S100A11: variants seen among roughly 807,000 people sequenced by gnomAD.
S100A11 encodes S100 calcium binding protein A11.
S100A11 carries 5 observed loss-of-function variants against 7.4 expected under a neutral mutation model. The ratio of observed to expected loss-of-function variants is 0.68; its 90% CI spans 0.35 to 1.42. The LOEUF is 1.42. Among genes scored for constraint, S100A11 ranks in the 40% most tolerant of loss-of-function variants. The pLI is 0.04. For missense variants in S100A11, 96 were observed against 125.0 expected, an observed-to-expected ratio of 0.77 and a Z score of 1.11; for synonymous variants, 47 against 46.6, an observed-to-expected ratio of 1.01 and a Z score of -0.04.
intron 1 of S100A11, among the ~76,000 whole-genome samples, chr1:152,035,964 C>A (rs1656822936): frequency 6.6e-6 from 1 of 152,240 alleles, no homozygotes; most frequent in African/African-American, 2.4e-5. Context: ...AGGACTGCAA[C>A]CCCAGACAGT....
chr1:152,033,915 C>T lies in S100A11; in HGVS notation c.4-115G>A. Reference sequence around the variant, plus strand: ...AAAGCAGTTTCCTAAAAGACTGAGTCATTTTTTCAAGGGGCTGAGGGGTTC... The same window carrying T: ...AAAGCAGTTTCCTAAAAGACTGAGTTATTTTTTCAAGGGGCTGAGGGGTTC... On this transcript the variant is annotated intron_variant, in intron 1 of 2. Transcript: ENST00000271638. This position sits in a 1 kb window ranked among gnomAD's most constrained non-coding sequence, Gnocchi z 4.0. 2 of 931,278 alleles carry T rather than the reference C, an allele frequency of 2.1e-6. No individual in the cohort carries two copies. Among genetic ancestry groups the T allele is most frequent in the Non-Finnish European group, 3.3e-6 (2 of 598,256 alleles). The allele number at this position is 931,278 out of a possible 1,614,324, so 57.7% of individuals were successfully genotyped here.
rs1459947550 is a variant in S100A11, at chr1:152,036,902, G to A, written c.3+11C>T. 6.2e-7 allele frequency: 1 copy of A among 1,610,172 alleles called. No homozygotes were observed. Among genetic ancestry groups the A allele is most frequent in the East Asian group, 2.2e-5 (1 of 44,834 alleles). ...TCATGTAAGAAGAAGAAGAAGAAAA[G>A]TGAGGCTTACCATGTTGGAGCTGAG... On this transcript the variant is annotated intron_variant, in intron 1 of 2. Coordinates refer to ENST00000271638, the MANE Select transcript of S100A11 (RefSeq NM_005620.2).
At chr1:152,036,435 G>A (rs536943483) in intron 1 of S100A11, among the ~76,000 whole-genome samples, 14 of 152,328 alleles carry the variant, frequency 9.2e-5, no homozygotes, top group African/African-American at 3.4e-4. Flanking sequence ...GGTGCTTACT[G>A]AAACTTTGAT....
chr1:152,034,791 CT>C (rs1208256655), intron 1 of S100A11, among the ~76,000 whole-genome samples: 1 of 152,250 alleles, frequency 6.6e-6, no homozygotes, highest in Non-Finnish European at 1.5e-5. Flanking sequence ...TCCTCTGAGA[CT>C]TTACCTACTA....
intron 1 of S100A11, among the ~76,000 whole-genome samples, chr1:152,035,571 A>C (rs1309341587): frequency 6.6e-6 from 1 of 152,206 alleles, no homozygotes; most frequent in Non-Finnish European, 1.5e-5. Context: ...CCAAAGTGAA[A>C]GAAAGAGACA....
chr1:152,034,601 T>C (rs1656798544), intron 1 of S100A11, among the ~76,000 whole-genome samples: 1 of 152,212 alleles, frequency 6.6e-6, no homozygotes, highest in Non-Finnish European at 1.5e-5. Context: ...ATGTAAGAGA[T>C]TTAAATCCTG....
At position 152,033,478 on chromosome 1, in the gene S100A11, C is replaced by A. The variant is rs1386983408; in HGVS notation, c.156+170G>T. ...AAAATAATTCCATTACGTCATATAC[C>A]ATTTCATATATCTCTCTTCCTAAAT... On this transcript the variant is annotated intron_variant, in intron 2 of 2. Transcript: ENST00000271638. The surrounding 1 kb of genome is among the most constrained non-coding windows in gnomAD (Gnocchi z 4.0). Among the ~76,000 whole-genome samples the A allele has an allele frequency of 6.6e-6, 1 of 152,096 alleles. No individual in the cohort carries two copies. The highest frequency in any genetic ancestry group is 1.5e-5 in the Non-Finnish European group (1 of 68,024).
rs762032768 is a variant in S100A11, at chr1:152,033,815, A to G, written c.4-15T>C. 1.2e-6 allele frequency: 2 copies of G among 1,613,220 alleles called. No homozygotes were observed. The highest frequency in any genetic ancestry group is 1.7e-6 in the Non-Finnish European group (2 of 1,179,214). ...GAGATTTTTGCCTTTGGAGAAAAAA[A>G]ATTGCAGGGCTCAGACAAGGGAAGA... On this transcript the variant is annotated splice_polypyrimidine_tract_variant and intron_variant, in intron 1 of 2. Coordinates refer to ENST00000271638, the MANE Select transcript of S100A11 (RefSeq NM_005620.2). The surrounding 1 kb of genome is among the most constrained non-coding windows in gnomAD (Gnocchi z 4.0).
At chr1:152,035,634 C>A (rs918251271) in intron 1 of S100A11, among the ~76,000 whole-genome samples, 10 of 152,198 alleles carry the variant, frequency 6.6e-5, no homozygotes, top group African/African-American at 2.4e-4. Context: ...CTCCAGGGCA[C>A]TTTGGAGATG....
At chr1:152,034,561 T>C (rs1235348967) in intron 1 of S100A11, among the ~76,000 whole-genome samples, 2 of 152,212 alleles carry the variant, frequency 1.3e-5, no homozygotes, top group Admixed American at 6.5e-5. Flanking sequence ...ACCAGGAAGC[T>C]CTCAGGTTGC....
chr1:152,034,784 T>C (rs1007136888), intron 1 of S100A11, among the ~76,000 whole-genome samples: 2 of 152,222 alleles, frequency 1.3e-5, no homozygotes, highest in Admixed American at 6.5e-5. Context: ...ACACCCTTCC[T>C]CTGAGACTTT....
At chr1:152,032,947 G>T (rs1656768665) in intron 2 of S100A11, 124 bp from the exon 3 acceptor site, 3 of 786,568 alleles carry the variant, frequency 3.8e-6, no homozygotes, top group East Asian at 2.7e-5. Context: ...ATTCCCATTT[G>T]CCAGATGCAG....
At chr1:152,032,854 A>G (rs766673011) in intron 2 of S100A11, 31 bp from the exon 3 acceptor site, 3 of 1,522,368 alleles carry the variant, frequency 2.0e-6, no homozygotes, top group African/African-American at 2.7e-5. Context: ...ACACCTTTAT[A>G]TCGCATCTTC....
chr1:152,035,044 G>A (rs1259673326), intron 1 of S100A11, among the ~76,000 whole-genome samples: 1 of 152,182 alleles, frequency 6.6e-6, no homozygotes, highest in Non-Finnish European at 1.5e-5. Context: ...ATCTTACAGC[G>A]TTAGAACCCC....
chr1:152,033,819 G>A lies in S100A11; in HGVS notation c.4-19C>T. On this transcript the variant is annotated intron_variant, in intron 1 of 2. Transcript: ENST00000271638. The surrounding 1 kb of genome is among the most constrained non-coding windows in gnomAD (Gnocchi z 4.0). ...TTTTTGCCTTTGGAGAAAAAAAATT[G>A]CAGGGCTCAGACAAGGGAAGATGTC... 4 of 1,612,056 alleles carry A rather than the reference G, an allele frequency of 2.5e-6. No individual in the cohort carries two copies. Among genetic ancestry groups the A allele is most frequent in the Non-Finnish European group, 3.4e-6 (4 of 1,178,150 alleles).
Position 152,032,720 on chromosome 1 carries a change from A to G in S100A11, c.260T>C (p.Leu87Pro), listed in dbSNP as rs755524576. The part of the protein sequence containing the change: ...FSEFLNLIGG[L>P]AMACHDSFLK... ...GAAGGAGTCATGGCAAGCCATAGCT[A>G]GGCCACCAATCAGATTAAGAAATTC... Residue 87 changes from leucine to proline, a missense_variant, in exon 3 of 3, where the codon CTA becomes CCA. Leu to Pro is a moderately conservative substitution (Grantham distance 98, BLOSUM62 -3). Coordinates refer to ENST00000271638, the MANE Select transcript of S100A11 (RefSeq NM_005620.2). 2.1e-5 allele frequency: 34 copies of G among 1,613,950 alleles called. No individual in the cohort carries two copies. The highest frequency in any genetic ancestry group is 2.7e-5 in the Non-Finnish European group (32 of 1,179,890).
At position 152,033,587 on chromosome 1, in the gene S100A11, G is replaced by GC; in HGVS notation, c.156+60dup. 1 of 1,524,692 alleles carries GC rather than the reference G, an allele frequency of 6.6e-7. No homozygotes were observed. The highest frequency in any genetic ancestry group is 1.1e-5 in the South Asian group (1 of 88,292). The allele number at this position is 1,524,692 out of a possible 1,614,324, so 94.4% of individuals were successfully genotyped here. A position where few individuals can be genotyped will look rare whatever the true frequency, so the allele number is the denominator to read the frequency against. On this transcript the variant is annotated intron_variant, in intron 2 of 2. Coordinates refer to ENST00000271638, the MANE Select transcript of S100A11 (RefSeq NM_005620.2). The surrounding 1 kb of genome is among the most constrained non-coding windows in gnomAD (Gnocchi z 4.0). ...CTGCTCCTTCATTCCTGGCCATTCT[G>GC]CCAGGGTCTTGTTTCATGTTGTGGG...
At chr1:152,036,738 G>C (rs1656841803) in intron 1 of S100A11, among the ~76,000 whole-genome samples, 175 bp downstream of exon 1, 1 of 152,154 alleles carries the variant, frequency 6.6e-6, no homozygotes, top group African/African-American at 2.4e-5. Flanking sequence ...TGATTTTAGG[G>C]CTTCATCCTT....
rs375970077 is a variant in S100A11 at position 152,032,712 on chromosome 1, C to T, written c.268G>A (p.Ala90Thr). 1.2e-5 allele frequency: 20 copies of T among 1,613,820 alleles called. No homozygotes were observed. The highest frequency in any genetic ancestry group is 1.7e-5 in the Non-Finnish European group (20 of 1,179,874). ...GCCTTGAGGAAGGAGTCATGGCAAG[C>T]CATAGCTAGGCCACCAATCAGATTA... Reference protein sequence around the residue: ...FLNLIGGLAMACHDSFLKAVP... With the variant: ...FLNLIGGLAMTCHDSFLKAVP... Residue 90 changes from alanine to threonine, a missense_variant, in exon 3 of 3, where the codon GCT becomes ACT. Ala to Thr is a moderately conservative substitution (Grantham distance 58). Coordinates refer to ENST00000271638, the MANE Select transcript of S100A11 (RefSeq NM_005620.2).
Sources: allele counts gnomAD v4.1 joint callset (sites outside exome capture counted in the v4.1 genomes callset), GRCh38; gene constraint gnomAD v4.1.1; non-coding constraint Gnocchi (gnomAD v3.1); transcripts MANE v1.5; gene names NCBI Gene and HGNC (gene_info 2026-07-23, HGNC 2026-07-21).